Variants in ARHGEF28 observed in about 807,000 individuals in gnomAD.
ARHGEF28 encodes the protein 190 kDa guanine nucleotide exchange factor.
A neutral mutation model predicts 206.6 loss-of-function variants in ARHGEF28; 152 were observed. The ratio of observed to expected loss-of-function variants is 0.74; its 90% confidence interval spans 0.64 to 0.84. The LOEUF (loss-of-function observed/expected upper bound fraction) is 0.84, where lower values mean the gene tolerates loss of function less well. Among genes scored for constraint, ARHGEF28 ranks in the 40% least tolerant of loss-of-function variants. ARHGEF28 has a pLI of 0.00. For synonymous variants in ARHGEF28, 763 were observed against 776.4 expected (o/e 0.98, Z 0.29); for missense variants, 2,028 against 2,073.2 (o/e 0.98, Z 0.42).
chr5:73,894,442 G>T lies in ARHGEF28; in HGVS notation c.3708G>T (p.Lys1236Asn). ...AAATTTGTGCGTATTTGGAGGAGAAGCTGCATATCTATGCTGAACTTGGAG... is the reference window on the plus strand; with the variant it reads ...AAATTTGTGCGTATTTGGAGGAGAATCTGCATATCTATGCTGAACTTGGAG... Reference protein sequence around the residue: ...DQQICAYLEEKLHIYAELGEL... With the variant: ...DQQICAYLEENLHIYAELGEL... Residue 1236 changes from lysine (K) to asparagine (N), a missense_variant, in exon 29 of 36, where the codon AAG (lysine) becomes AAT (asparagine). Transcript: ENST00000513042. 6.2e-7 allele frequency: 1 copy of T among 1,613,694 alleles called. No individual in the cohort carries two copies. The highest frequency in any genetic ancestry group is 1.1e-5 in the South Asian group (1 of 90,992).
intron 34 of ARHGEF28, 59 bp downstream of exon 34, chr5:73,909,956 G>A (rs745328962): frequency 6.8e-7 from 1 of 1,461,354 alleles, no homozygotes. Context: ...GGGCCTGGGG[G>A]CTCCTAGGAC....
intron 9 of ARHGEF28, among the ~76,000 whole-genome samples, chr5:73,801,689 G>A (rs1381114616): frequency 6.6e-6 from 1 of 152,082 alleles, no homozygotes; most frequent in African/African-American, 2.4e-5. Context: ...CTACACCCCA[G>A]GCTACAGAGC....
chr5:73,637,728 G>C (rs776673617), intron 1 of ARHGEF28, among the ~76,000 whole-genome samples: 2 of 152,174 alleles, frequency 1.3e-5, no homozygotes, highest in Non-Finnish European at 2.9e-5. Context: ...GCAGACATAT[G>C]CTGCATGCTG....
intron 1 of ARHGEF28, among the ~76,000 whole-genome samples, chr5:73,666,865 G>A (rs1745987318): frequency 6.6e-6 from 1 of 152,192 alleles, no homozygotes; most frequent in Admixed American, 6.5e-5. Context: ...AGAAACATGA[G>A]CATGCACAGT....
chr5:73,704,281 G>A (rs1322630860), intron 2 of ARHGEF28, among the ~76,000 whole-genome samples: 4 of 152,126 alleles, frequency 2.6e-5, no homozygotes, highest in Non-Finnish European at 5.9e-5. Context: ...CTACCTGTTA[G>A]AAAGTAACTG....
chr5:73,706,048 C>T (rs1240898426), intron 2 of ARHGEF28, among the ~76,000 whole-genome samples: 3 of 152,208 alleles, frequency 2.0e-5, no homozygotes, highest in Non-Finnish European at 4.4e-5. Context: ...GAACTTCCAG[C>T]AGCCATCAAA....
chr5:73,793,818 C>G (rs1444460531), intron 7 of ARHGEF28, among the ~76,000 whole-genome samples: 1 of 140,820 alleles, frequency 7.1e-6, no homozygotes, highest in Non-Finnish European at 1.5e-5. Flanking sequence ...TTTTTTTCTT[C>G]ATCCCAGTAC....
At chr5:73,753,756 A>T (rs1404570432) in intron 4 of ARHGEF28, among the ~76,000 whole-genome samples, 2 of 152,242 alleles carry the variant, frequency 1.3e-5, no homozygotes, top group Non-Finnish European at 2.9e-5. Context: ...CTGCGTGTGA[A>T]CAAGGCTATA....
rs148610428 is a variant in ARHGEF28, at chr5:73,879,217, C to T, written c.2815-3255C>T. Among the ~76,000 whole-genome samples, 389 of 152,320 alleles carry T rather than the reference C, an allele frequency of 2.6e-3. 3 individuals carry two copies. The highest frequency in any genetic ancestry group is 0.014 in the East Asian group (72 of 5,184). On this transcript the variant is annotated intron_variant, in intron 22 of 35. Transcript: ENST00000513042. ...TACCCTTCCTTCCAGCTGATCGCAT[C>T]GGCTCCTGAGGCTTCTGCATTCTTC...
chr5:73,876,937 A>G (rs1760539649), intron 22 of ARHGEF28, among the ~76,000 whole-genome samples: 1 of 146,552 alleles, frequency 6.8e-6, no homozygotes, highest in Middle Eastern at 3.4e-3. Context: ...TGGCCTCATA[A>G]AATGAGTTAG....
chr5:73,909,340 T>C (rs1762728028), intron 33 of ARHGEF28, 72 bp from the exon 34 acceptor site: 1 of 1,512,186 alleles, frequency 6.6e-7, no homozygotes, highest in African/African-American at 1.4e-5. Context: ...TTCGAGGTAG[T>C]TCCAACCGAA....
intron 4 of ARHGEF28, among the ~76,000 whole-genome samples, chr5:73,757,341 T>G (rs1233372121): frequency 6.6e-6 from 1 of 152,250 alleles, no homozygotes; most frequent in Non-Finnish European, 1.5e-5. Flanking sequence ...TGCTCAGTGT[T>G]CACTTTTATT....
At chr5:73,716,129 A>ATTTT (rs111598829) in intron 2 of ARHGEF28, among the ~76,000 whole-genome samples, 14 of 150,636 alleles carry the variant, frequency 9.3e-5, no homozygotes, top group African/African-American at 3.4e-4. Flanking sequence ...GGGAAGACTA[A>ATTTT]TTTTTTTTTT....
rs1388585749 is a variant in ARHGEF28, at chr5:73,849,009, T to C, written c.1669T>C (p.Tyr557His). Reference protein sequence around the residue: ...SLLSGVRSRSYSCSSPKISLG... With the variant: ...SLLSGVRSRSHSCSSPKISLG... ...GCTTTCTGGAGTTCGCTCACGTTCT[T>C]ATTCTTGCTCATCACCCAAAATTTC... is the stretch of plus-strand genomic sequence containing the variant. Residue 557 changes from tyrosine to histidine, a missense_variant, in exon 13 of 36, where the codon TAT (tyrosine) becomes CAT (histidine). Physicochemically the swap from Tyr to His is moderately conservative, Grantham distance 83. Coordinates refer to ENST00000513042, the MANE Select transcript of ARHGEF28 (RefSeq NM_001177693.2). The C allele has an allele frequency of 1.9e-6, 3 of 1,577,904 alleles. No individual in the cohort carries two copies. Among genetic ancestry groups the C allele is most frequent in the Admixed American group, 3.6e-5 (2 of 55,132 alleles).
chr5:73,911,261 G>C lies in ARHGEF28; in HGVS notation c.4648-14G>C. Reference sequence around the variant, plus strand: ...AGAAAAATTATTGTACTTTTCCTCTGTTTCTTTACACAGGTAATGGAACTT... The same window carrying C: ...AGAAAAATTATTGTACTTTTCCTCTCTTTCTTTACACAGGTAATGGAACTT... On this transcript the variant is annotated splice_polypyrimidine_tract_variant and intron_variant, in intron 34 of 35. Transcript: ENST00000513042. 1 of 1,558,414 alleles carries C rather than the reference G, an allele frequency of 6.4e-7. No homozygotes were observed. The highest frequency in any genetic ancestry group is 8.7e-7 in the Non-Finnish European group (1 of 1,147,884).
In ARHGEF28 at chr5:73,813,742, T is replaced by C. The variant is rs138637875; in HGVS notation, c.1024+18351T>C. The C allele has an allele frequency of 4.1e-6, 6 of 1,479,682 alleles. No homozygotes were observed. The East Asian group carries it at 9.9e-5, about 24-fold the overall frequency. 91.7% of individuals were successfully genotyped at this position (1,479,682 alleles called of 1,614,324 possible). On this transcript the variant is annotated intron_variant, in intron 9 of 35. Transcript: ENST00000513042. ...CATCCTATTCTTTCTTTTCCGTGTTTCTTTGCCAGACTGTTTTTCCAATGT... is the reference window on the plus strand; with the variant it reads ...CATCCTATTCTTTCTTTTCCGTGTTCCTTTGCCAGACTGTTTTTCCAATGT...
chr5:73,737,439 C>CTTCTTTTTTCTTTTCTTTTCTT (rs1751018574), intron 2 of ARHGEF28, among the ~76,000 whole-genome samples: 1 of 72,500 alleles, frequency 1.4e-5, no homozygotes, highest in Non-Finnish European at 2.9e-5. Flanking sequence ...AGCCCTCTTC[C>CTTCTTTTTTCTTTTCTTTTCTT]TTCTTTTCTT....
At chr5:73,695,257 A>G (rs919622046) in intron 2 of ARHGEF28, among the ~76,000 whole-genome samples, 2 of 152,142 alleles carry the variant, frequency 1.3e-5, no homozygotes, top group Admixed American at 6.5e-5. Context: ...TGTACTTTCA[A>G]TGTTCGTGAA....
intron 4 of ARHGEF28, among the ~76,000 whole-genome samples, chr5:73,770,259 A>G (rs1236072350): frequency 6.6e-6 from 1 of 152,148 alleles, no homozygotes; most frequent in East Asian, 1.9e-4. Flanking sequence ...GACTCATTTC[A>G]TGGGCAAAGA....
Sources: allele counts gnomAD v4.1 joint callset (sites outside exome capture counted in the v4.1 genomes callset), GRCh38; gene constraint gnomAD v4.1.1; transcripts MANE v1.5; gene names NCBI Gene and HGNC (gene_info 2026-07-23, HGNC 2026-07-21).